Variants in ZFYVE1 observed in about 807,000 individuals in gnomAD.
ZFYVE1 encodes the protein zinc finger FYVE-type containing 1.
ZFYVE1 carries 30 observed loss-of-function variants against 74.4 expected under a neutral mutation model. The ratio of observed to expected loss-of-function variants is 0.40; its 90% CI spans 0.30 to 0.55. The LOEUF (loss-of-function observed/expected upper bound fraction) is 0.55, where lower values mean the gene tolerates loss of function less well. Ranked by LOEUF, ZFYVE1 falls within the 20% of genes least tolerant of loss-of-function variation. ZFYVE1 has a pLI of 0.42. For missense variants in ZFYVE1, 703 were observed against 1,011.6 expected (o/e 0.69, Z 4.14); for synonymous variants, 335 against 385.1 (o/e 0.87, Z 1.52).
chr14:72,996,371 C>A (rs1329743062), intron 3 of ZFYVE1, among the ~76,000 whole-genome samples: 3 of 152,142 alleles, frequency 2.0e-5, no homozygotes, highest in African/African-American at 7.2e-5. Flanking sequence ...GAAGTTATTG[C>A]AGAACTACTT....
Position 72,998,005 on chromosome 14 carries a change from T to C in ZFYVE1, c.794A>G (p.Tyr265Cys), listed in dbSNP as rs750088281. Residue 265 changes from tyrosine (Y) to cysteine (C), a missense_variant, in exon 3 of 12, where the codon TAT (tyrosine) becomes TGT (cysteine). Tyr to Cys is a radical substitution (Grantham distance 194). This residue lies in a region of ZFYVE1 where 492 missense variants were observed against 790.0 expected (regional missense o/e 0.62). Transcript: ENST00000556143. ...ATGCAGCCGGTCTGCATGAGTTCGA[T>C]AGATGACGAGGTCTGAGATGGCCAG... The part of the protein sequence containing the change: ...KVLAISDLVI[Y>C]RTHADRLHND... The C allele has an allele frequency of 1.2e-5, 20 of 1,613,924 alleles. No individual in the cohort carries two copies. Among genetic ancestry groups the C allele is most frequent in the Non-Finnish European group, 1.1e-5 (13 of 1,180,008 alleles).
chr14:72,974,135 G>C lies in ZFYVE1; in HGVS notation c.2046C>G (p.Gly682=), dbSNP rs778858299. The part of the protein sequence containing the change: ...EGGTLIARKV[G]EAVQNTLGAV... ...CTCCCAGAGTGTTCTGCACGGCCTC[G>C]CCCACCTTCCGAGCAATGAGCGTTC... Residue 682 remains glycine, a synonymous_variant, in exon 11 of 12, where the codon GGC becomes GGG. Coordinates refer to ENST00000556143, the MANE Select transcript of ZFYVE1 (RefSeq NM_021260.4). 6.2e-7 allele frequency: 1 copy of C among 1,614,078 alleles called. No homozygotes were observed. The highest frequency in any genetic ancestry group is 8.5e-7 in the Non-Finnish European group (1 of 1,179,984).
At chr14:73,012,788 T>C (rs12323332) in intron 2 of ZFYVE1, among the ~76,000 whole-genome samples, 2,931 of 152,262 alleles carry the variant, frequency 0.019, 100 homozygotes, top group African/African-American at 0.066. Flanking sequence ...TCAGAAAGCA[T>C]GCAATTGACA....
rs1893655337 is a variant in ZFYVE1 at position 72,992,937 on chromosome 14, A to G, written c.1203+206T>C. On this transcript the variant is annotated intron_variant, in intron 4 of 11. Coordinates refer to ENST00000556143, the MANE Select transcript of ZFYVE1 (RefSeq NM_021260.4). ...TAGCTGAGGACCGGGCACTTTTTTT[A>G]CTATCACATATGACTTCCCCATATT... 3.3e-5 allele frequency among the ~76,000 whole-genome samples: 5 copies of G among 152,152 alleles called. No homozygotes were observed. The South Asian group carries it at 1.0e-3, about 32-fold the overall frequency.
At chr14:72,980,965 G>A (rs573234361) in intron 5 of ZFYVE1, among the ~76,000 whole-genome samples, 1 of 152,278 alleles carries the variant, frequency 6.6e-6, no homozygotes, top group African/African-American at 2.4e-5. Flanking sequence ...AGGTTTTTCT[G>A]ATGCATGCTA....
rs188903387 is a variant in ZFYVE1 at position 72,999,780 on chromosome 14, C to T, written c.484-1465G>A. Among the ~76,000 whole-genome samples the T allele has an allele frequency of 1.9e-3, 290 of 152,246 alleles. 2 individuals are homozygous for T. The highest frequency in any genetic ancestry group is 6.5e-3 in the African/African-American group (272 of 41,552). ...CGCCTCATTAAAATAAACAAAGAGG[C>T]GGGGCATGGTAGCTCATGTCTGTAA... On this transcript the variant is annotated intron_variant, in intron 2 of 11. Transcript: ENST00000556143.
At position 73,024,465 on chromosome 14, in the gene ZFYVE1, C is replaced by A. The variant is rs76065771; in HGVS notation, c.44G>T (p.Gly15Val). Residue 15 changes from glycine (G) to valine (V), a missense_variant, in exon 2 of 12, where the codon GGG becomes GTG. Coordinates refer to ENST00000556143, the MANE Select transcript of ZFYVE1 (RefSeq NM_021260.4). Reference sequence around the variant, plus strand: ...AGCGTAACTTTCCTGGCACATCAGCCCCGGATTCAGGCCCTTCTCTGCTGG... The same window carrying A: ...AGCGTAACTTTCCTGGCACATCAGCACCGGATTCAGGCCCTTCTCTGCTGG... The part of the protein sequence containing the change: ...TSPAEKGLNP[G>V]LMCQESYACS... 1.8e-3 allele frequency: 2,928 copies of A among 1,613,178 alleles called. 7 individuals carry two copies. Among genetic ancestry groups the A allele is most frequent in the Non-Finnish European group, 2.2e-3 (2,647 of 1,179,474 alleles).
In ZFYVE1 at chr14:72,970,726, C is replaced by T. The variant is rs891921025; in HGVS notation, c.*156G>A. On this transcript the variant is annotated 3_prime_UTR_variant, in exon 12 of 12. Coordinates refer to ENST00000556143, the MANE Select transcript of ZFYVE1 (RefSeq NM_021260.4). ...GAGGGGTCCACACCTTCGGGCCTGC[C>T]GCCAGGCTCACCCCCACTGAGGGAA... The T allele has an allele frequency of 1.3e-5, 11 of 834,264 alleles. No homozygotes were observed. Among genetic ancestry groups the T allele is most frequent in the African/African-American group, 8.6e-5 (5 of 58,092 alleles). 51.7% of individuals were successfully genotyped at this position (834,264 alleles called of 1,614,324 possible). A position where few individuals can be genotyped will look rare whatever the true frequency, so the allele number is the denominator to read the frequency against.
intron 2 of ZFYVE1, among the ~76,000 whole-genome samples, chr14:73,002,884 G>T (rs1335645830): frequency 6.6e-6 from 1 of 150,824 alleles, no homozygotes; most frequent in African/African-American, 2.4e-5. Context: ...TGGGACTACA[G>T]GCGCCCGCCA....
At position 72,975,122 on chromosome 14, in the gene ZFYVE1, G is replaced by C. The variant is rs1412984298; in HGVS notation, c.1807-163C>G. ...GTAACGCGTTATCTGAGAATGGAAA[G>C]GAAGCCTGGTGGACAGTGAGTTTCC... On this transcript the variant is annotated intron_variant, in intron 9 of 11. Transcript: ENST00000556143. This position sits in a 1 kb window ranked among gnomAD's most constrained non-coding sequence, Gnocchi z 4.1. 1.4e-6 allele frequency: 1 copy of C among 728,304 alleles called. No homozygotes were observed. The highest frequency in any genetic ancestry group is 1.8e-5 in the African/African-American group (1 of 56,086). 45.1% of individuals were successfully genotyped at this position (728,304 alleles called of 1,614,324 possible).
rs568568910 is a variant in ZFYVE1 at position 72,971,226 on chromosome 14, T to C, written c.2102-112A>G. ...CTTATAATCCCAACTGCACACAGAATTGCTGACAGAGCTTTTTAAAAATGC... is the reference window on the plus strand; with the variant it reads ...CTTATAATCCCAACTGCACACAGAACTGCTGACAGAGCTTTTTAAAAATGC... On this transcript the variant is annotated intron_variant, in intron 11 of 11. Transcript: ENST00000556143. 4 of 1,079,224 alleles carry C rather than the reference T, an allele frequency of 3.7e-6. No homozygotes were observed. The East Asian group carries it at 7.6e-5, about 21-fold the overall frequency. 66.9% of individuals were successfully genotyped at this position (1,079,224 alleles called of 1,614,324 possible). A position where few individuals can be genotyped will look rare whatever the true frequency, so the allele number is the denominator to read the frequency against.
Position 72,970,542 on chromosome 14 carries a change from T to C in ZFYVE1, c.*340A>G. 1 of 290,202 alleles carries C rather than the reference T, an allele frequency of 3.4e-6. No individual in the cohort carries two copies. The allele number at this position is 290,202 out of a possible 1,614,324, so 18.0% of individuals were successfully genotyped here. A position where few individuals can be genotyped will look rare whatever the true frequency, so the allele number is the denominator to read the frequency against. On this transcript the variant is annotated 3_prime_UTR_variant, in exon 12 of 12. Transcript: ENST00000556143. ...CCTGTGCGGAGGAGACTGTGCGAAG[T>C]CTTCACAGCCAGCAGCAGCCTCGAT... is the stretch of plus-strand genomic sequence containing the variant.
intron 2 of ZFYVE1, among the ~76,000 whole-genome samples, chr14:73,006,444 A>T (rs1239349646): frequency 6.6e-6 from 1 of 150,960 alleles, no homozygotes; most frequent in African/African-American, 2.4e-5. Context: ...GTGTGGTGGC[A>T]CATGCCTGTA....
intron 2 of ZFYVE1, among the ~76,000 whole-genome samples, chr14:73,017,384 T>C (rs1894223219): frequency 6.6e-6 from 1 of 152,120 alleles, no homozygotes; most frequent in Admixed American, 6.6e-5. Context: ...CCCCAAAAGC[T>C]CAGTTGTGAC....
intron 4 of ZFYVE1, among the ~76,000 whole-genome samples, chr14:72,982,117 T>G (rs188623519): frequency 7.2e-5 from 11 of 152,362 alleles, no homozygotes; most frequent in Non-Finnish European, 1.2e-4. Context: ...GCAAAGTTAC[T>G]GTTCTCCCCT....
chr14:72,987,070 G>T, intron 4 of ZFYVE1: 1 of 575,592 alleles, frequency 1.7e-6, no homozygotes, highest in Non-Finnish European at 2.2e-6. Flanking sequence ...ACAACAGTGT[G>T]GCTCTTTCTA....
Position 72,970,031 on chromosome 14 carries a change from G to T in ZFYVE1, c.*851C>A. On this transcript the variant is annotated 3_prime_UTR_variant, in exon 12 of 12. Transcript: ENST00000556143. ...AGATGGTGGGCTTGAGGGGGCCGAGGGGTGGGAGGCAGATGCTTCGATTGA... is the reference window on the plus strand; with the variant it reads ...AGATGGTGGGCTTGAGGGGGCCGAGTGGTGGGAGGCAGATGCTTCGATTGA... 1 of 415,358 alleles carries T rather than the reference G, an allele frequency of 2.4e-6. No homozygotes were observed. Among genetic ancestry groups the T allele is most frequent in the Non-Finnish European group, 4.3e-6 (1 of 232,952 alleles). 25.7% of individuals were successfully genotyped at this position (415,358 alleles called of 1,614,324 possible).
chr14:72,974,243 A>C, intron 10 of ZFYVE1, 50 bp from the exon 11 acceptor site: 1 of 1,564,170 alleles, frequency 6.4e-7, no homozygotes, highest in Non-Finnish European at 8.8e-7. Context: ...CCTCTCCCAA[A>C]TGGAAAACTC....
At chr14:73,023,954 T>G in intron 2 of ZFYVE1, 72 bp downstream of exon 2, 3 of 1,545,866 alleles carry the variant, frequency 1.9e-6, no homozygotes, top group Non-Finnish European at 2.6e-6. Context: ...TTGGACATCG[T>G]TTTTTGAGAG....
Sources: allele counts gnomAD v4.1 joint callset (sites outside exome capture counted in the v4.1 genomes callset), GRCh38; gene constraint gnomAD v4.1.1; regional missense constraint gnomAD v4.1.1; non-coding constraint Gnocchi (gnomAD v3.1); transcripts MANE v1.5; gene names NCBI Gene and HGNC (gene_info 2026-07-23, HGNC 2026-07-21).